The following DCAF4 variants were observed in gnomAD, a reference collection of about 807,000 sequenced individuals.
DCAF4 encodes the protein DDB1- and CUL4-associated factor 4.
DCAF4 carries 37 observed loss-of-function variants against 60.9 expected under a neutral mutation model. That is an observed-to-expected ratio of 0.61 (90% CI 0.47 to 0.80). The LOEUF (loss-of-function observed/expected upper bound fraction) is 0.80, where lower values mean the gene tolerates loss of function less well. DCAF4 is among the 30% of genes least tolerant of loss of function. The pLI is 0.00. For missense variants in DCAF4, 577 were observed against 650.0 expected, an observed-to-expected ratio of 0.89 and a Z score of 1.22; for synonymous variants, 243 against 254.8, an observed-to-expected ratio of 0.95 and a Z score of 0.44.
chr14:72,930,966 A>G (rs964096000), intron 1 of DCAF4, among the ~76,000 whole-genome samples: 6 of 152,210 alleles, frequency 3.9e-5, no homozygotes, highest in African/African-American at 1.2e-4. Flanking sequence ...CCATTGATCT[A>G]TATTTCTATC....
At position 72,939,869 on chromosome 14, in the gene DCAF4, T is replaced by G. The variant is rs752065571; in HGVS notation, c.160T>G (p.Ser54Ala). 40 of 1,611,728 alleles carry G rather than the reference T, an allele frequency of 2.5e-5. No homozygotes were observed. Among genetic ancestry groups the G allele is most frequent in the Non-Finnish European group, 3.3e-5 (39 of 1,179,068 alleles). Residue 54 changes from serine (S) to alanine (A), a missense_variant, in exon 3 of 14, where the codon TCG becomes GCG. Physicochemically the swap from Ser to Ala is moderately conservative, Grantham distance 99. Coordinates refer to ENST00000358377, the MANE Select transcript of DCAF4 (RefSeq NM_015604.4). ...CGGTGATGACGAGTCTCCGTCAACC[T>G]CGTCTGGCACAGCTGGGACCTCCTC... ...GHGDDESPSTSSGTAGTSSVP... is the reference protein window; with the variant it reads ...GHGDDESPSTASGTAGTSSVP...
chr14:72,956,853 C>T (rs1436725142), intron 13 of DCAF4: 1 of 268,580 alleles, frequency 3.7e-6, no homozygotes. Context: ...AACTTGGGCT[C>T]CCTGTTGTCT....
At chr14:72,932,382 A>G (rs1305178502) in intron 1 of DCAF4, among the ~76,000 whole-genome samples, 2 of 152,248 alleles carry the variant, frequency 1.3e-5, no homozygotes, top group African/African-American at 2.4e-5. Context: ...TGTAGTAAAT[A>G]TCTTGGAATC....
intron 2 of DCAF4, 152 bp downstream of exon 2, chr14:72,938,222 C>A: frequency 8.8e-7 from 1 of 1,133,256 alleles, no homozygotes; most frequent in Non-Finnish European, 1.2e-6. Flanking sequence ...TTGAGGAGAG[C>A]CTGCCTTCCT....
At chr14:72,927,515 C>T (rs1042403830) in intron 1 of DCAF4, among the ~76,000 whole-genome samples, 1 of 152,106 alleles carries the variant, frequency 6.6e-6, no homozygotes, top group Non-Finnish European at 1.5e-5. Flanking sequence ...CCTCGCCCGG[C>T]TAATTTTTTG....
chr14:72,940,515 C>T (rs1023901552), intron 4 of DCAF4, 138 bp downstream of exon 4: 1 of 828,856 alleles, frequency 1.2e-6, no homozygotes, highest in Non-Finnish European at 1.7e-6. Flanking sequence ...CTAGCTTTTC[C>T]CTGACAGGAA....
Position 72,946,386 on chromosome 14 carries a change from CAG to C in DCAF4, c.678+362_678+363del, listed in dbSNP as rs375328405. Among the ~76,000 whole-genome samples the C allele has an allele frequency of 6.2e-4, 95 of 152,126 alleles. 1 individual carries two copies. In the South Asian group the frequency reaches 6.7e-3, roughly 11 times the overall value. On this transcript the variant is annotated intron_variant, in intron 7 of 13. Transcript: ENST00000358377. ...TGCCACTGCACTCCAACCTGGGTAA[CAG>C]AGCGAGACCCTGTCTCAAAAAAATG... is the stretch of plus-strand genomic sequence containing the variant.
intron 12 of DCAF4, 46 bp downstream of exon 12, chr14:72,955,742 G>C: frequency 1.3e-6 from 2 of 1,548,878 alleles, no homozygotes; most frequent in Non-Finnish European, 1.8e-6. Context: ...TCGTGGCCCA[G>C]TGCCCTGCCA....
At chr14:72,949,698 A>C (rs1891173235) in intron 8 of DCAF4, among the ~76,000 whole-genome samples, 1 of 152,232 alleles carries the variant, frequency 6.6e-6, no homozygotes, top group Non-Finnish European at 1.5e-5. Context: ...CAGAGGTTGC[A>C]GTGAGCCAAG....
rs760522622 is a variant in DCAF4 at position 72,947,127 on chromosome 14, G to A, written c.679-15G>A. ...GTAGAATAACTTTCCATCTCGCTGT[G>A]TGCTTCCTCACCAGGTGAATTCGGT... On this transcript the variant is annotated splice_polypyrimidine_tract_variant and intron_variant, in intron 7 of 13. Transcript: ENST00000358377. 6.8e-6 allele frequency: 11 copies of A among 1,614,140 alleles called. No homozygotes were observed. The highest frequency in any genetic ancestry group is 8.5e-6 in the Non-Finnish European group (10 of 1,180,022).
chr14:72,935,059 A>G (rs187705240), intron 1 of DCAF4: 2 of 151,906 alleles, frequency 1.3e-5, no homozygotes, highest in East Asian at 3.9e-4. Flanking sequence ...GGGAGTATGA[A>G]CAAACAGTCA....
At chr14:72,937,606 A>G (rs1227233747) in intron 1 of DCAF4, among the ~76,000 whole-genome samples, 2 of 151,828 alleles carry the variant, frequency 1.3e-5, no homozygotes, top group Non-Finnish European at 1.5e-5. Flanking sequence ...TTTTTAGTAG[A>G]GATGGGGTTT....
chr14:72,960,868 C>A, downstream of DCAF4: 1 of 160,990 alleles, frequency 6.2e-6, no homozygotes, highest in South Asian at 2.0e-4. Flanking sequence ...TACTGTATGT[C>A]AGGCCCCCCC....
intron 9 of DCAF4, among the ~76,000 whole-genome samples, chr14:72,952,823 T>C (rs1462077223): frequency 2.0e-5 from 3 of 148,964 alleles, no homozygotes; most frequent in Non-Finnish European, 3.0e-5. Context: ...GCCTCCCAAG[T>C]AGCTGAGATC....
intron 11 of DCAF4, 84 bp from the exon 12 acceptor site, chr14:72,955,438 AG>A: frequency 6.7e-7 from 1 of 1,483,766 alleles, no homozygotes; most frequent in Non-Finnish European, 9.2e-7. Flanking sequence ...AGGCTGGAAG[AG>A]GGGTTGTATC....
At chr14:72,932,829 A>G (rs1888740235) in intron 1 of DCAF4, among the ~76,000 whole-genome samples, 1 of 152,098 alleles carries the variant, frequency 6.6e-6, no homozygotes, top group South Asian at 2.1e-4. Flanking sequence ...TCAGCCTCCC[A>G]AGCAGTTGGA....
intron 1 of DCAF4, chr14:72,929,771 G>A: frequency 2.9e-6 from 3 of 1,051,146 alleles, no homozygotes; most frequent in Non-Finnish European, 3.0e-6. Flanking sequence ...CGCGCAGCTC[G>A]TACGAAGCGA....
At chr14:72,939,564 AG>A (rs1169956773) in intron 2 of DCAF4, among the ~76,000 whole-genome samples, 2 of 152,244 alleles carry the variant, frequency 1.3e-5, no homozygotes, top group Non-Finnish European at 2.9e-5. Flanking sequence ...TGAGAAGATA[AG>A]AAGAGGGAAT....
chr14:72,940,923 G>A (rs771758520), intron 4 of DCAF4, among the ~76,000 whole-genome samples: 2 of 151,120 alleles, frequency 1.3e-5, no homozygotes, highest in Non-Finnish European at 2.9e-5. Flanking sequence ...TGTCATTCCT[G>A]AAGGAATCTT....
Sources: allele counts gnomAD v4.1 joint callset (sites outside exome capture counted in the v4.1 genomes callset), GRCh38; gene constraint gnomAD v4.1.1; transcripts MANE v1.5; gene names NCBI Gene and HGNC (gene_info 2026-07-23, HGNC 2026-07-21).